The following NUDCD3 variants were observed in gnomAD, a reference collection of about 807,000 sequenced individuals.
NUDCD3 encodes NudC domain containing 3.
In NUDCD3, 13 loss-of-function variants were observed where a neutral mutation model predicts 39.7. The ratio of observed to expected loss-of-function variants is 0.33; its 90% CI spans 0.21 to 0.52. The LOEUF (loss-of-function observed/expected upper bound fraction) is 0.52. NUDCD3 is among the 20% of genes least tolerant of loss of function. NUDCD3 has a pLI of 0.96. For missense variants in NUDCD3, 453 were observed against 458.1 expected (o/e 0.99, Z 0.10); for synonymous variants, 175 against 172.4 (o/e 1.02, Z -0.12).
intron 4 of NUDCD3, among the ~76,000 whole-genome samples, chr7:44,399,977 T>A (rs992379852): frequency 6.6e-6 from 1 of 152,214 alleles, no homozygotes; most frequent in African/African-American, 2.4e-5. Flanking sequence ...GAAGTGTATA[T>A]GGAACGGCAT....
chr7:44,487,802 A>C (rs1800644478), intron 1 of NUDCD3, among the ~76,000 whole-genome samples: 2 of 151,616 alleles, frequency 1.3e-5, no homozygotes, highest in South Asian at 4.2e-4. Flanking sequence ...AAAAATACAA[A>C]AATTCTCTAG....
chr7:44,388,759 C>T (rs1381084852), intron 5 of NUDCD3, among the ~76,000 whole-genome samples: 1 of 152,220 alleles, frequency 6.6e-6, no homozygotes, highest in East Asian at 1.9e-4. Flanking sequence ...GGACCTACCC[C>T]CGCGCCACCA....
At chr7:44,469,514 C>T (rs565012800) in intron 2 of NUDCD3, among the ~76,000 whole-genome samples, 8 of 152,100 alleles carry the variant, frequency 5.3e-5, no homozygotes, top group Non-Finnish European at 7.4e-5. Flanking sequence ...TCAGTGGTTG[C>T]TAAGATTAAT....
intron 3 of NUDCD3, among the ~76,000 whole-genome samples, chr7:44,417,006 C>T (rs186625405): frequency 6.6e-6 from 1 of 152,308 alleles, no homozygotes; most frequent in Admixed American, 6.5e-5. Context: ...AAACCACCCA[C>T]TTTTAGGTTC....
intron 2 of NUDCD3, among the ~76,000 whole-genome samples, chr7:44,459,625 AC>A (rs1799969443): frequency 6.6e-6 from 1 of 152,254 alleles, no homozygotes; most frequent in Non-Finnish European, 1.5e-5. Context: ...TTTCCAAATT[AC>A]TTTTGTAATT....
intron 2 of NUDCD3, among the ~76,000 whole-genome samples, chr7:44,457,369 T>A (rs1799924664): frequency 6.6e-6 from 1 of 152,152 alleles, no homozygotes; most frequent in African/African-American, 2.4e-5. Context: ...AAGAAAAAAG[T>A]AAAATTATCT....
intron 2 of NUDCD3, among the ~76,000 whole-genome samples, chr7:44,481,714 T>C (rs562404651): frequency 3.9e-5 from 6 of 152,298 alleles, no homozygotes; most frequent in Admixed American, 2.6e-4. Context: ...ATAAGTAATG[T>C]TGGAATAAAT....
chr7:44,388,799 C>T (rs927476326), intron 5 of NUDCD3, among the ~76,000 whole-genome samples: 1 of 152,250 alleles, frequency 6.6e-6, no homozygotes, highest in Admixed American at 6.5e-5. Context: ...CGCTGAAGAT[C>T]TCCCAGGGCA....
chr7:44,486,644 G>C (rs1377488624), intron 1 of NUDCD3, among the ~76,000 whole-genome samples: 1 of 152,168 alleles, frequency 6.6e-6, no homozygotes, highest in South Asian at 2.1e-4. Flanking sequence ...CTACCGCTTT[G>C]AGTCCATGCT....
chr7:44,415,683 T>A (rs1271916086), intron 3 of NUDCD3, among the ~76,000 whole-genome samples: 1 of 152,192 alleles, frequency 6.6e-6, no homozygotes, highest in African/African-American at 2.4e-5. Flanking sequence ...AATGCCTGCA[T>A]CAAGCTACAG....
Position 44,485,096 on chromosome 7 carries a change from ATGCCCATCCAAT to A in NUDCD3, c.369_380del (p.Glu123_His127delinsAsp). The A allele has an allele frequency of 6.2e-7, 1 of 1,614,158 alleles. No homozygotes were observed. Among genetic ancestry groups the A allele is most frequent in the Admixed American group, 1.7e-5 (1 of 60,020 alleles). ...GAGGCTGCACTTTCTCTACTTCCTGATGCCCATCCAATTCTGTGGTGGAGTCAATCTCTATTT... is the reference window on the plus strand; with the variant it reads ...GAGGCTGCACTTTCTCTACTTCCTGATCTGTGGTGGAGTCAATCTCTATTT... On this transcript the variant is annotated inframe_deletion, in exon 2 of 6. Transcript: ENST00000355451.
At chr7:44,431,577 C>T (rs1462254286) in intron 2 of NUDCD3, among the ~76,000 whole-genome samples, 1 of 151,720 alleles carries the variant, frequency 6.6e-6, no homozygotes, top group African/African-American at 2.4e-5. Context: ...GGTTTCTGAC[C>T]GGGTTCCTGA....
At chr7:44,466,223 T>C (rs2116956729) in intron 2 of NUDCD3, among the ~76,000 whole-genome samples, 1 of 151,898 alleles carries the variant, frequency 6.6e-6, no homozygotes, top group East Asian at 1.9e-4. Context: ...CCTCATCCCA[T>C]CCCCTGAGCC....
chr7:44,410,622 C>A (rs529822322), intron 3 of NUDCD3, among the ~76,000 whole-genome samples: 3 of 150,576 alleles, frequency 2.0e-5, no homozygotes, highest in Admixed American at 6.6e-5. Context: ...GGAGATCCTG[C>A]CACTGCACTC....
At chr7:44,434,737 GCT>G (rs1799434024) in intron 2 of NUDCD3, among the ~76,000 whole-genome samples, 1 of 152,166 alleles carries the variant, frequency 6.6e-6, no homozygotes, top group African/African-American at 2.4e-5. Context: ...TTCCCTGAAT[GCT>G]CTGTGTGTCC....
chr7:44,430,560 A>C (rs1277003539), intron 2 of NUDCD3, among the ~76,000 whole-genome samples: 7 of 142,938 alleles, frequency 4.9e-5, no homozygotes, highest in African/African-American at 1.9e-4. Flanking sequence ...ATACCCACAC[A>C]CACACACACT....
intron 2 of NUDCD3, among the ~76,000 whole-genome samples, chr7:44,451,340 G>A (rs1267957279): frequency 2.0e-5 from 3 of 152,198 alleles, no homozygotes; most frequent in African/African-American, 7.2e-5. Flanking sequence ...CACGGGGAAG[G>A]GGAGTCACTG....
rs143483302 is a variant in NUDCD3 at position 44,405,885 on chromosome 7, C to T, written c.643-1302G>A. On this transcript the variant is annotated intron_variant, in intron 3 of 5. Transcript: ENST00000355451. ...GATCCCAGCTCACTGCTGCATCAAA[C>T]TCCTGGGCTGAAGCAATCCCTCCAC... Among the ~76,000 whole-genome samples, 388 of 152,320 alleles carry T rather than the reference C, an allele frequency of 2.5e-3. 4 individuals are homozygous for T. Among genetic ancestry groups the T allele is most frequent in the African/African-American group, 8.6e-3 (357 of 41,572 alleles).
chr7:44,471,370 C>G (rs1392018433), intron 2 of NUDCD3, among the ~76,000 whole-genome samples: 1 of 151,908 alleles, frequency 6.6e-6, no homozygotes, highest in Non-Finnish European at 1.5e-5. Context: ...ATGGTTTTGG[C>G]TTTTTTAGTA....
Sources: gnomAD v4.1 joint callset for allele counts (sites outside exome capture counted in the v4.1 genomes callset) on GRCh38, gnomAD v4.1.1 for gene constraint, MANE v1.5 for transcripts, NCBI Gene and HGNC (gene_info 2026-07-23, HGNC 2026-07-21) for gene names.